UNC5A: variants seen among roughly 807,000 people sequenced by gnomAD.
UNC5A encodes the protein netrin receptor UNC5A.
In UNC5A, 20 loss-of-function variants were observed where a neutral mutation model predicts 87.4. That is an observed-to-expected ratio of 0.23 (90% CI 0.16 to 0.33). UNC5A has a LOEUF of 0.33. Among genes scored for constraint, UNC5A ranks in the 10% least tolerant of loss-of-function variants. UNC5A has a pLI of 1.00. For missense variants in UNC5A, 844 were observed against 1,133.4 expected (o/e 0.74, Z 3.67); for synonymous variants, 438 against 482.3 (o/e 0.91, Z 1.20).
intron 1 of UNC5A, among the ~76,000 whole-genome samples, chr5:176,835,729 A>ATGTGTGTGTGTG (rs55990257): frequency 1.0e-3 from 152 of 145,396 alleles, no homozygotes; most frequent in African/African-American, 3.2e-3. Context: ...TTGATAAAGG[A>ATGTGTGTGTGTG]TGTGTGTGTG....
rs561487874 is a variant in UNC5A at position 176,868,578 on chromosome 5, G to A, written c.454G>A (p.Glu152Lys). Residue 152 changes from glutamate to lysine, a missense_variant, in exon 4 of 15, where the codon GAG (glutamate) becomes AAG (lysine). Glu to Lys is a moderately conservative substitution (Grantham distance 56). This residue lies in a region of UNC5A where 314 missense variants were observed against 466.5 expected (regional missense o/e 0.67). Coordinates refer to ENST00000329542, the MANE Select transcript of UNC5A (RefSeq NM_133369.3). ...IRIAYLRKNF[E>K]QEPLAKEVSL... ...TCTTCTAGATTTGCGCAAGAACTTC[G>A]AGCAGGAGCCGCTGGCCAAGGAGGT... The A allele has an allele frequency of 1.2e-5, 20 of 1,603,602 alleles. No individual in the cohort carries two copies. The highest frequency in any genetic ancestry group is 6.8e-5 in the East Asian group (3 of 44,422).
chr5:176,831,818 G>C (rs369580281), intron 1 of UNC5A, among the ~76,000 whole-genome samples: 64 of 150,746 alleles, frequency 4.2e-4, no homozygotes, highest in African/African-American at 1.5e-3. Context: ...CACTCAAGCT[G>C]GTCCCTCCTC....
Position 176,841,208 on chromosome 5 carries a change from A to G in UNC5A, c.71-21416A>G, listed in dbSNP as rs1334605817. 6.6e-6 allele frequency among the ~76,000 whole-genome samples: 1 copy of G among 152,174 alleles called. No homozygotes were observed. Among genetic ancestry groups the G allele is most frequent in the African/African-American group, 2.4e-5 (1 of 41,432 alleles). On this transcript the variant is annotated intron_variant, in intron 1 of 14. Transcript: ENST00000329542. This position sits in a 1 kb window ranked among gnomAD's most constrained non-coding sequence, Gnocchi z 4.1. ...GCAGGGGGCACCAGATGTCTGTTCT[A>G]ATTTATTTCCTTTGAGCCACAGAGC...
chr5:176,879,495 G>T lies in UNC5A; in HGVS notation c.2363+7G>T, dbSNP rs368636349. 8.1e-6 allele frequency: 13 copies of T among 1,601,788 alleles called. No individual in the cohort carries two copies. In the Admixed American group the frequency reaches 2.2e-4, roughly 27 times the overall value. The stretch of plus-strand genomic sequence containing the variant: ...AGAAACTCCACCTGGACAGGTGGGC[G>T]GGAGAGGGGCAGAGAGGGCCTGCGC... On this transcript the variant is annotated splice_region_variant and intron_variant, in intron 14 of 14. Coordinates refer to ENST00000329542, the MANE Select transcript of UNC5A (RefSeq NM_133369.3).
rs1311529673 is a variant in UNC5A, at chr5:176,866,800, T to C, written c.293-1330T>C. Among the ~76,000 whole-genome samples, 1 of 151,966 alleles carries C rather than the reference T, an allele frequency of 6.6e-6. No individual in the cohort carries two copies. The highest frequency in any genetic ancestry group is 2.4e-5 in the African/African-American group (1 of 41,376). ...CTGCCCACCCCACCCCCTGAGAGTG[T>C]CCACACTGGGTGTCTTAGAGAACGG... On this transcript the variant is annotated intron_variant, in intron 2 of 14. Coordinates refer to ENST00000329542, the MANE Select transcript of UNC5A (RefSeq NM_133369.3). This position sits in a 1 kb window ranked among gnomAD's most constrained non-coding sequence, Gnocchi z 5.0.
intron 6 of UNC5A, among the ~76,000 whole-genome samples, chr5:176,871,759 C>T (rs1483609240): frequency 7.4e-4 from 45 of 61,114 alleles, no homozygotes; most frequent in African/African-American, 2.0e-3. Flanking sequence ...TTCCCATCTG[C>T]CCACACTCGC....
intron 2 of UNC5A, 127 bp from the exon 3 acceptor site, chr5:176,868,003 T>TAAAA: frequency 3.5e-6 from 2 of 571,918 alleles, no homozygotes; most frequent in Non-Finnish European, 5.0e-6. Flanking sequence ...TAATAAAATT[T>TAAAA]AAAAAAAAAA....
In UNC5A at chr5:176,874,139, T is replaced by G. The variant is rs757720298; in HGVS notation, c.1058T>G (p.Ile353Ser). Residue 353 changes from isoleucine (I) to serine (S), a missense_variant, in exon 7 of 15, where the codon ATC (isoleucine) becomes AGC (serine). By Grantham distance (142) the Ile-to-Ser change is moderately radical. Coordinates refer to ENST00000329542, the MANE Select transcript of UNC5A (RefSeq NM_133369.3). The surrounding 1 kb of genome is among the most constrained non-coding windows in gnomAD (Gnocchi z 7.6). Reference protein sequence around the residue: ...ILTSGFQPVSIKPSKADNPHL... With the variant: ...ILTSGFQPVSSKPSKADNPHL... ...ACCTCAGGCTTCCAGCCCGTCAGCATCAAGCCCAGCAAAGCAGGTGAGGGG... is the reference window on the plus strand; with the variant it reads ...ACCTCAGGCTTCCAGCCCGTCAGCAGCAAGCCCAGCAAAGCAGGTGAGGGG... 52 of 1,613,686 alleles carry G rather than the reference T, an allele frequency of 3.2e-5. No individual in the cohort carries two copies. In the Admixed American group the frequency reaches 4.8e-4, roughly 15 times the overall value.
At chr5:176,860,938 G>A (rs965152533) in intron 1 of UNC5A, among the ~76,000 whole-genome samples, 3 of 152,114 alleles carry the variant, frequency 2.0e-5, no homozygotes, top group Non-Finnish European at 4.4e-5. Context: ...AGAGTGAGAG[G>A]AGGGGCAGGC....
chr5:176,836,678 C>G (rs976539983), intron 1 of UNC5A, among the ~76,000 whole-genome samples: 1 of 152,126 alleles, frequency 6.6e-6, no homozygotes, highest in African/African-American at 2.4e-5. Flanking sequence ...GAGAAGGGAG[C>G]TTGGGCTCCT....
chr5:176,828,338 G>T (rs774664503), intron 1 of UNC5A, among the ~76,000 whole-genome samples: 1 of 152,180 alleles, frequency 6.6e-6, no homozygotes, highest in Non-Finnish European at 1.5e-5. Context: ...GGGCAGTGGG[G>T]GTGAGGGAGC....
At chr5:176,854,152 A>T (rs1049619107) in intron 1 of UNC5A, among the ~76,000 whole-genome samples, 19 of 152,030 alleles carry the variant, frequency 1.2e-4, no homozygotes, top group African/African-American at 4.1e-4. Context: ...TTCATACCTG[A>T]GTTGCCACCT....
At position 176,810,726 on chromosome 5, in the gene UNC5A, C is replaced by A; in HGVS notation, c.-25C>A. The A allele has an allele frequency of 9.4e-7, 1 of 1,064,878 alleles. No homozygotes were observed. The highest frequency in any genetic ancestry group is 1.1e-6 in the Non-Finnish European group (1 of 873,720). 66.0% of individuals were successfully genotyped at this position (1,064,878 alleles called of 1,614,324 possible). ...CCCGCCCGCGGGGCCCCGCGCCCGG[C>A]CCGCCCGCCTGCCCGCCCGCGGCCA... On this transcript the variant is annotated 5_prime_UTR_variant, in exon 1 of 15. Coordinates refer to ENST00000329542, the MANE Select transcript of UNC5A (RefSeq NM_133369.3). This position sits in a 1 kb window ranked among gnomAD's most constrained non-coding sequence, Gnocchi z 7.3.
intron 1 of UNC5A, among the ~76,000 whole-genome samples, chr5:176,857,045 C>T (rs75593406): frequency 0.023 from 3,563 of 152,370 alleles, 57 homozygotes; most frequent in Non-Finnish European, 0.038. Flanking sequence ...GTAGCCTGGC[C>T]TTGGCATTCA....
Position 176,877,687 on chromosome 5 carries a change from G to A in UNC5A, c.1619G>A (p.Cys540Tyr). ...AGCCTGCGCCTCAAAAAGCAGTCGTGCGAGGGCAGCTGGGAGGTGAGCAGG... is the reference window on the plus strand; with the variant it reads ...AGCCTGCGCCTCAAAAAGCAGTCGTACGAGGGCAGCTGGGAGGTGAGCAGG... The part of the protein sequence containing the change: ...SWSLRLKKQS[C>Y]EGSWEDVLHL... Residue 540 changes from cysteine (C) to tyrosine (Y), a missense_variant, in exon 10 of 15, where the codon TGC becomes TAC. By Grantham distance (194) the Cys-to-Tyr change is radical. Coordinates refer to ENST00000329542, the MANE Select transcript of UNC5A (RefSeq NM_133369.3). 2 of 1,605,330 alleles carry A rather than the reference G, an allele frequency of 1.2e-6. No homozygotes were observed. The highest frequency in any genetic ancestry group is 1.1e-5 in the South Asian group (1 of 90,596).
Position 176,878,417 on chromosome 5 carries a change from C to T in UNC5A, c.2019+24C>T, listed in dbSNP as rs201520237. 161 of 1,612,698 alleles carry T rather than the reference C, an allele frequency of 1.0e-4. 2 individuals carry two copies. The South Asian group carries it at 1.5e-3, about 15-fold the overall frequency. ...AGGTGAGGGCCAGGGCCGTGGCCAG[C>T]GCACAAGAGGCCTGGAGCTTGGGCT... On this transcript the variant is annotated intron_variant, in intron 12 of 14. Coordinates refer to ENST00000329542, the MANE Select transcript of UNC5A (RefSeq NM_133369.3).
intron 1 of UNC5A, among the ~76,000 whole-genome samples, chr5:176,811,615 G>T (rs1002201526): frequency 1.3e-5 from 2 of 152,212 alleles, no homozygotes; most frequent in African/African-American, 4.8e-5. Context: ...GAGGGGCTTG[G>T]GGGGAGGAAG....
At chr5:176,826,636 CTTTTTTTT>C (rs34466725) in intron 1 of UNC5A, among the ~76,000 whole-genome samples, 1 of 72,754 alleles carries the variant, frequency 1.4e-5, no homozygotes, top group African/African-American at 4.5e-5. Flanking sequence ...AGTTTCCAAA[CTTTTTTTT>C]TTTTTTTTTT....
At chr5:176,815,943 A>G (rs1174437144) in intron 1 of UNC5A, among the ~76,000 whole-genome samples, 2 of 152,230 alleles carry the variant, frequency 1.3e-5, no homozygotes, top group Non-Finnish European at 2.9e-5. Context: ...TTTTCATGCA[A>G]CTGTGTGTTG....
Sources: gnomAD v4.1 joint callset for allele counts (sites outside exome capture counted in the v4.1 genomes callset) on GRCh38, gnomAD v4.1.1 for gene constraint, gnomAD v4.1.1 regional missense constraint, Gnocchi (gnomAD v3.1) non-coding constraint, MANE v1.5 for transcripts, NCBI Gene and HGNC (gene_info 2026-07-23, HGNC 2026-07-21) for gene names.